Variants in ZBTB41 observed in about 807,000 individuals in gnomAD.
ZBTB41 encodes zinc finger and BTB domain containing 41.
ZBTB41 carries 42 observed loss-of-function variants against 87.6 expected under a neutral mutation model. The ratio of observed to expected loss-of-function variants is 0.48; its 90% CI spans 0.37 to 0.62. The LOEUF is 0.62. Ranked by LOEUF, ZBTB41 falls within the 20% of genes least tolerant of loss-of-function variation. The pLI is 0.00. For missense variants in ZBTB41, 799 were observed against 1,078.9 expected, an observed-to-expected ratio of 0.74 and a Z score of 3.63; for synonymous variants, 364 against 364.0, an observed-to-expected ratio of 1.00 and a Z score of 0.00.
intron 7 of ZBTB41, 36 bp from the exon 8 acceptor site, chr1:197,176,706 G>A (rs1659617168): frequency 1.4e-6 from 2 of 1,452,994 alleles, no homozygotes; most frequent in African/African-American, 1.4e-5. Flanking sequence ...CATTAAAACT[G>A]GTGACATAGA....
At position 197,156,148 on chromosome 1, in the gene ZBTB41, GCTC is replaced by G. The variant is rs1210171242; in HGVS notation, c.*3208_*3210del. 6.6e-6 allele frequency: 1 copy of G among 151,460 alleles called. No individual in the cohort carries two copies. The highest frequency in any genetic ancestry group is 1.5e-5 in the Non-Finnish European group (1 of 67,572). 9.4% of individuals were successfully genotyped at this position (151,460 alleles called of 1,614,324 possible). ...GACTATTCCCAGAGTATTTTCTTTT[GCTC>G]CTATTTTTATACATATAAACACAAT... On this transcript the variant is annotated 3_prime_UTR_variant, in exon 11 of 11. Transcript: ENST00000367405.
chr1:197,176,835 T>TACC (rs1360304399), intron 7 of ZBTB41, among the ~76,000 whole-genome samples, 165 bp from the exon 8 acceptor site: 1 of 152,118 alleles, frequency 6.6e-6, no homozygotes, highest in African/African-American at 2.4e-5. Flanking sequence ...TTCAGTCTTT[T>TACC]ACCACCTGAC....
At chr1:197,167,063 G>T (rs1262866159) in intron 10 of ZBTB41, among the ~76,000 whole-genome samples, 2 of 152,032 alleles carry the variant, frequency 1.3e-5, no homozygotes, top group Non-Finnish European at 2.9e-5. Context: ...GACATTACAA[G>T]GGAAAAGATA....
In ZBTB41 at chr1:197,199,933, G is replaced by C; in HGVS notation, c.541C>G (p.Pro181Ala). ...VKLLNNENVA[P>A]FHSELTEKSS... Reference sequence around the variant, plus strand: ...TTTTCAGTTAGCTCTGAATGAAAAGGGGCAACATTTTCGTTATTTAACAAC... The same window carrying C: ...TTTTCAGTTAGCTCTGAATGAAAAGCGGCAACATTTTCGTTATTTAACAAC... Residue 181 changes from proline (P) to alanine (A), a missense_variant, in exon 2 of 11, where the codon CCT (proline) becomes GCT (alanine). Physicochemically the swap from Pro to Ala is conservative, Grantham distance 27. Around this residue, in one of 5 missense-constraint regions of ZBTB41, gnomAD observed 294 missense variants for 340.1 expected, o/e 0.86. Transcript: ENST00000367405. 6.2e-7 allele frequency: 1 copy of C among 1,612,782 alleles called. No homozygotes were observed. Among genetic ancestry groups the C allele is most frequent in the Non-Finnish European group, 8.5e-7 (1 of 1,179,340 alleles).
chr1:197,169,399 G>C (rs1341896547), intron 10 of ZBTB41, among the ~76,000 whole-genome samples: 1 of 151,882 alleles, frequency 6.6e-6, no homozygotes, highest in African/African-American at 2.4e-5. Flanking sequence ...ACAAATTACT[G>C]TCATAAGGGA....
Position 197,200,149 on chromosome 1 carries a change from C to A in ZBTB41, c.325G>T (p.Gly109Cys). 1 of 1,613,908 alleles carries A rather than the reference C, an allele frequency of 6.2e-7. No individual in the cohort carries two copies. The highest frequency in any genetic ancestry group is 1.3e-5 in the African/African-American group (1 of 75,048). The change falls in exon 2 of 11, where the codon GGC (glycine) becomes TGC (cysteine). Residue 109 changes from glycine (G) to cysteine (C), a missense_variant. Physicochemically the swap from Gly to Cys is radical, Grantham distance 159. Around this residue, in one of 5 missense-constraint regions of ZBTB41, gnomAD observed 59 missense variants for 120.1 expected, o/e 0.49. Coordinates refer to ENST00000367405, the MANE Select transcript of ZBTB41 (RefSeq NM_194314.3). ...AAACACGCATGAAAATAACTACTGCCGACAGCAACGACTACTTTATGTGCA... is the reference window on the plus strand; with the variant it reads ...AAACACGCATGAAAATAACTACTGCAGACAGCAACGACTACTTTATGTGCA... ...FSAHKVVVAV[G>C]SSYFHACLSK...
At chr1:197,167,198 A>G (rs2125125286) in intron 10 of ZBTB41, among the ~76,000 whole-genome samples, 1 of 152,146 alleles carries the variant, frequency 6.6e-6, no homozygotes, top group South Asian at 2.1e-4. Context: ...ATGTGTTTGA[A>G]TGTTTGTTTA....
chr1:197,190,265 T>G (rs1033303023), intron 4 of ZBTB41, among the ~76,000 whole-genome samples: 2 of 152,082 alleles, frequency 1.3e-5, no homozygotes, highest in African/African-American at 2.4e-5. Flanking sequence ...GACCAGACCA[T>G]GCACTAGTTG....
intron 2 of ZBTB41, among the ~76,000 whole-genome samples, chr1:197,194,347 C>A (rs1248707338): frequency 1.3e-5 from 2 of 151,938 alleles, no homozygotes; most frequent in South Asian, 2.1e-4. Flanking sequence ...AAAGTAGCAG[C>A]ATAATAAAAA....
Position 197,178,467 on chromosome 1 carries a change from A to C in ZBTB41, c.1722T>G (p.Pro574=). The C allele has an allele frequency of 6.2e-7, 1 of 1,608,594 alleles. No individual in the cohort carries two copies. The highest frequency in any genetic ancestry group is 8.5e-7 in the Non-Finnish European group (1 of 1,177,314). ...TTTGCCCACAAATACTACAAAGGTG[A>C]GGCTTTTCTCCACTGTGGATTCTCA... ...EHLRIHSGEK[P]HLCSICGQSF... is the part of the protein sequence containing the mutation. The change falls in exon 7 of 11, where the codon CCT becomes CCG. Residue 574 remains proline (P), a synonymous_variant. Transcript: ENST00000367405.
Position 197,158,479 on chromosome 1 carries a change from G to A in ZBTB41, c.*880C>T, listed in dbSNP as rs1659123108. On this transcript the variant is annotated 3_prime_UTR_variant, in exon 11 of 11. Coordinates refer to ENST00000367405, the MANE Select transcript of ZBTB41 (RefSeq NM_194314.3). Reference sequence around the variant, plus strand: ...AGCATGTTTAATTAAATTTCATTGAGTTACAACTGCTCTTTTCTTAGTGAG... The same window carrying A: ...AGCATGTTTAATTAAATTTCATTGAATTACAACTGCTCTTTTCTTAGTGAG... The A allele has an allele frequency of 6.6e-6, 1 of 152,370 alleles. No individual in the cohort carries two copies. The highest frequency in any genetic ancestry group is 2.4e-5 in the African/African-American group (1 of 41,412). The allele number at this position is 152,370 out of a possible 1,614,324, so 9.4% of individuals were successfully genotyped here.
rs894097631 is a variant in ZBTB41 at position 197,199,782 on chromosome 1, C to A, written c.692G>T (p.Arg231Met). The A allele has an allele frequency of 1.2e-6, 2 of 1,613,158 alleles. No homozygotes were observed. The highest frequency in any genetic ancestry group is 4.5e-5 in the East Asian group (2 of 44,876). Reference protein sequence around the residue: ...SLENHLAKTHRSLLLGKKHGL... With the variant: ...SLENHLAKTHMSLLLGKKHGL... ...ATGTTTTTTCCCTAATAAAAGGGAC[C>A]TATGGGTTTTAGCCAAATGATTCTC... is the stretch of plus-strand genomic sequence containing the variant. Residue 231 changes from arginine (R) to methionine (M), a missense_variant, in exon 2 of 11, where the codon AGG becomes ATG. By Grantham distance (91) the Arg-to-Met change is moderately conservative. This residue lies in a region of ZBTB41 where 294 missense variants were observed against 340.1 expected (regional missense o/e 0.86). Coordinates refer to ENST00000367405, the MANE Select transcript of ZBTB41 (RefSeq NM_194314.3).
chr1:197,191,573 T>A, intron 3 of ZBTB41, 119 bp downstream of exon 3: 1 of 756,272 alleles, frequency 1.3e-6, no homozygotes, highest in Non-Finnish European at 2.0e-6. Flanking sequence ...AAATACTGTA[T>A]CTCAATGAAT....
chr1:197,173,099 T>G, intron 9 of ZBTB41, among the ~76,000 whole-genome samples: 1 of 152,114 alleles, frequency 6.6e-6, no homozygotes, highest in Non-Finnish European at 1.5e-5. Context: ...AATTATCATT[T>G]AAGTGGCAGT....
In ZBTB41 at chr1:197,159,574, G is replaced by A; in HGVS notation, c.2515C>T (p.Leu839=). The A allele has an allele frequency of 1.2e-6, 2 of 1,613,966 alleles. No individual in the cohort carries two copies. Among genetic ancestry groups the A allele is most frequent in the Non-Finnish European group, 1.7e-6 (2 of 1,179,900 alleles). Residue 839 remains leucine (L), a synonymous_variant, in exon 11 of 11, where the codon CTG becomes TTG. Coordinates refer to ENST00000367405, the MANE Select transcript of ZBTB41 (RefSeq NM_194314.3). ...TTLPPSSHEI[L]SPQPQSTDYP... is the part of the protein sequence containing the mutation. Reference sequence around the variant, plus strand: ...TCAGTTGACTGTGGCTGTGGTGACAGAATCTCATGAGAAGATGGTGGGAGT... The same window carrying A: ...TCAGTTGACTGTGGCTGTGGTGACAAAATCTCATGAGAAGATGGTGGGAGT...
chr1:197,172,557 A>G (rs1659506456), intron 9 of ZBTB41, among the ~76,000 whole-genome samples: 1 of 151,988 alleles, frequency 6.6e-6, no homozygotes, highest in African/African-American at 2.4e-5. Context: ...TAGCTATCCA[A>G]ATATACAAAA....
intron 3 of ZBTB41, among the ~76,000 whole-genome samples, 154 bp from the exon 4 acceptor site, chr1:197,190,985 A>G (rs1188569893): frequency 6.6e-6 from 1 of 152,218 alleles, no homozygotes; most frequent in Non-Finnish European, 1.5e-5. Flanking sequence ...AGAAGGTATC[A>G]TTATCATTTT....
At chr1:197,170,416 T>C (rs1046991614) in intron 10 of ZBTB41, among the ~76,000 whole-genome samples, 3 of 152,048 alleles carry the variant, frequency 2.0e-5, no homozygotes, top group Non-Finnish European at 4.4e-5. Context: ...TCCTTCTGAT[T>C]AATAAACTCA....
rs1659116090 is a variant in ZBTB41, at chr1:197,158,169, T to C, written c.*1190A>G. ...TCCTCAATTGTAATCACTGAGGTTT[T>C]GCTGTAACTGCTATTTCCTTTCACC... On this transcript the variant is annotated 3_prime_UTR_variant, in exon 11 of 11. Coordinates refer to ENST00000367405, the MANE Select transcript of ZBTB41 (RefSeq NM_194314.3). 2 of 152,376 alleles carry C rather than the reference T, an allele frequency of 1.3e-5. No homozygotes were observed. The highest frequency in any genetic ancestry group is 4.1e-4 in the South Asian group (2 of 4,826). 9.4% of individuals were successfully genotyped at this position (152,376 alleles called of 1,614,324 possible).
Sources: allele counts gnomAD v4.1 joint callset (sites outside exome capture counted in the v4.1 genomes callset), GRCh38; gene constraint gnomAD v4.1.1; regional missense constraint gnomAD v4.1.1; transcripts MANE v1.5; gene names NCBI Gene and HGNC (gene_info 2026-07-23, HGNC 2026-07-21).